The following TBL1X variants were observed in gnomAD, a reference collection of about 807,000 sequenced individuals.
TBL1X encodes transducin beta like 1 X-linked, also known as F-box-like/WD repeat-containing protein TBL1X.
TBL1X carries 10 observed loss-of-function variants against 50.7 expected under a neutral mutation model. That is an observed-to-expected ratio of 0.20 (90% CI 0.12 to 0.33). TBL1X has a LOEUF of 0.33. Ranked by LOEUF, TBL1X falls within the 10% of genes least tolerant of loss-of-function variation. The pLI is 1.00. For missense variants in TBL1X, 340 were observed against 504.4 expected, an observed-to-expected ratio of 0.67 and a Z score of 3.12; for synonymous variants, 190 against 214.7, an observed-to-expected ratio of 0.88 and a Z score of 1.01.
chrX:9,653,569 A>G lies in TBL1X; in HGVS notation c.-18A>G. 1.7e-6 allele frequency: 2 copies of G among 1,162,017 alleles called. No individual in the cohort carries two copies. Among genetic ancestry groups the G allele is most frequent in the Non-Finnish European group, 2.3e-6 (2 of 869,469 alleles). On this transcript the variant is annotated 5_prime_UTR_variant, in exon 4 of 18. Coordinates refer to ENST00000645353, the MANE Select transcript of TBL1X (RefSeq NM_005647.4). ...GGAGCCCTGGCCTCCTTGCAGAAAC[A>G]TCGAGGTGACATGTAGCATGACCGA...
At chrX:9,653,030 TG>T (rs1387329168) in intron 3 of TBL1X, among the ~76,000 whole-genome samples, 1 of 111,030 alleles carries the variant, frequency 9.0e-6, no homozygotes, top group East Asian at 2.9e-4. Flanking sequence ...CCGGGCGTAT[TG>T]GCGGGCGCCT....
chrX:9,648,253 CTG>C (rs2082815370), intron 3 of TBL1X, among the ~76,000 whole-genome samples: 1 of 94,404 alleles, frequency 1.1e-5, no homozygotes, highest in Non-Finnish European at 2.3e-5. Context: ...AAAGTCATAA[CTG>C]TCATAAGAAG....
intron 2 of TBL1X, among the ~76,000 whole-genome samples, chrX:9,567,489 C>T (rs989513736): frequency 8.9e-6 from 1 of 111,844 alleles, no homozygotes; most frequent in African/African-American, 3.2e-5. Flanking sequence ...TGGGATCAAC[C>T]TTCCTCACCC....
At chrX:9,590,373 T>TTA (rs1214182814) in intron 2 of TBL1X, among the ~76,000 whole-genome samples, 7 of 109,288 alleles carry the variant, frequency 6.4e-5, no homozygotes, top group Non-Finnish European at 1.3e-4. Context: ...TTTTTTTTTT[T>TTA]AAAAAAGTCA....
intron 2 of TBL1X, among the ~76,000 whole-genome samples, chrX:9,523,768 C>T (rs954704750): frequency 2.7e-5 from 3 of 111,288 alleles, no homozygotes; most frequent in East Asian, 5.6e-4. Context: ...TGTGTGTGTG[C>T]GTGGCTCTCT....
chrX:9,606,837 C>T (rs1019972229), intron 2 of TBL1X, among the ~76,000 whole-genome samples: 63 of 112,246 alleles, frequency 5.6e-4, no homozygotes, highest in South Asian at 3.7e-4. Context: ...TATAAATTTG[C>T]GTTAATCTTC....
intron 2 of TBL1X, among the ~76,000 whole-genome samples, chrX:9,595,767 T>C (rs1326202235): frequency 8.9e-6 from 1 of 112,315 alleles, no homozygotes; most frequent in African/African-American, 3.2e-5. Context: ...AGTAAAAGAA[T>C]TTAAAACAGT....
At chrX:9,555,142 C>T (rs1473420043) in intron 2 of TBL1X, among the ~76,000 whole-genome samples, 2 of 111,392 alleles carry the variant, frequency 1.8e-5, no homozygotes, top group Non-Finnish European at 3.8e-5. Context: ...GTGGTAGGAT[C>T]ATAGCTCGGT....
intron 2 of TBL1X, among the ~76,000 whole-genome samples, chrX:9,527,348 G>A (rs528913061): frequency 9.0e-6 from 1 of 111,640 alleles, no homozygotes; most frequent in Non-Finnish European, 1.9e-5. Context: ...ATTCCTATAG[G>A]GGTCTCGTCT....
Position 9,705,028 on chromosome X carries a change from A to G in TBL1X, c.1150A>G (p.Thr384Ala). 8.3e-7 allele frequency: 1 copy of G among 1,212,005 alleles called. No homozygotes were observed. Among genetic ancestry groups the G allele is most frequent in the Non-Finnish European group, 1.1e-6 (1 of 895,597 alleles). The part of the protein sequence containing the change: ...ALDVDWQNNT[T>A]FASCSTDMCI... ...TGATGTGGACTGGCAGAACAACACG[A>G]CCTTTGCCTCCTGTAGCACAGACAT... The change falls in exon 13 of 18, where the codon ACC becomes GCC. Residue 384 changes from threonine to alanine, a missense_variant. Thr to Ala is a moderately conservative substitution (Grantham distance 58). This residue lies in a region of TBL1X where 170 missense variants were observed against 272.6 expected (regional missense o/e 0.62). Coordinates refer to ENST00000645353, the MANE Select transcript of TBL1X (RefSeq NM_005647.4).
chrX:9,553,262 C>T (rs974573702), intron 2 of TBL1X, among the ~76,000 whole-genome samples: 2 of 111,683 alleles, frequency 1.8e-5, no homozygotes, highest in Admixed American at 9.5e-5. Context: ...AACAGAATCC[C>T]AGAGGAGATA....
intron 1 of TBL1X, among the ~76,000 whole-genome samples, chrX:9,480,044 G>A (rs200670769): frequency 9.2e-6 from 1 of 109,052 alleles, no homozygotes; most frequent in East Asian, 2.9e-4. Context: ...TCCGCCTCCC[G>A]GGTTCAAGCG....
At chrX:9,621,877 C>G (rs984717878) in intron 2 of TBL1X, among the ~76,000 whole-genome samples, 19 of 111,821 alleles carry the variant, frequency 1.7e-4, no homozygotes, top group African/African-American at 4.9e-4. Flanking sequence ...GTTCCAGAAA[C>G]TATCAAGATT....
chrX:9,508,664 A>G (rs1049431888), intron 2 of TBL1X, among the ~76,000 whole-genome samples: 3 of 112,085 alleles, frequency 2.7e-5, no homozygotes, highest in African/African-American at 9.7e-5. Context: ...ACTATTTACA[A>G]TAGCAAAGAC....
intron 5 of TBL1X, among the ~76,000 whole-genome samples, chrX:9,674,562 C>T (rs1338877271): frequency 9.2e-6 from 1 of 109,278 alleles, no homozygotes; most frequent in Non-Finnish European, 1.9e-5. Flanking sequence ...CTGCGCCTGA[C>T]CTATTTATTG....
chrX:9,559,831 C>G (rs893812105), intron 2 of TBL1X, among the ~76,000 whole-genome samples: 41 of 100,807 alleles, frequency 4.1e-4, no homozygotes, highest in African/African-American at 1.3e-3. Flanking sequence ...TTAAATGTGT[C>G]CCAAGAAATG....
Position 9,607,964 on chromosome X carries a change from A to ATT in TBL1X, c.-130-32292_-130-32291dup, listed in dbSNP as rs370098919. Among the ~76,000 whole-genome samples, 219 of 92,137 alleles carry ATT rather than the reference A, an allele frequency of 2.4e-3. 1 individual carries two copies. The highest frequency in any genetic ancestry group is 8.2e-3 in the African/African-American group (206 of 24,998). 80.0% of individuals were successfully genotyped at this position (92,137 alleles called of 115,157 possible). A position where few individuals can be genotyped will look rare whatever the true frequency, so the allele number is the denominator to read the frequency against. Reference sequence around the variant, plus strand: ...ACAGGTGCATATCACCATGCCTGGAATTTTTTTTTTTTTTTTTTCCAATTT... The same window carrying ATT: ...ACAGGTGCATATCACCATGCCTGGAATTTTTTTTTTTTTTTTTTTTCCAATTT... On this transcript the variant is annotated intron_variant, in intron 2 of 17. Transcript: ENST00000645353.
chrX:9,625,648 T>C (rs980616080), intron 2 of TBL1X, among the ~76,000 whole-genome samples: 1 of 112,283 alleles, frequency 8.9e-6, no homozygotes, highest in Non-Finnish European at 1.9e-5. Context: ...TAAAAGAAAA[T>C]GCAAACTAGG....
chrX:9,518,456 G>A (rs73631490), intron 2 of TBL1X, among the ~76,000 whole-genome samples: 4,636 of 112,258 alleles, frequency 0.041, 94 homozygotes, highest in South Asian at 0.11. Flanking sequence ...TTCATAATTC[G>A]AGAGTCACTT....
Sources: allele counts gnomAD v4.1 joint callset (sites outside exome capture counted in the v4.1 genomes callset), GRCh38; gene constraint gnomAD v4.1.1; regional missense constraint gnomAD v4.1.1; transcripts MANE v1.5; gene names NCBI Gene and HGNC (gene_info 2026-07-23, HGNC 2026-07-21).